Variants in CEP350 observed in about 807,000 individuals in gnomAD.
CEP350 encodes the protein centrosome-associated protein 350.
In CEP350, 126 loss-of-function variants were observed where a neutral mutation model predicts 331.8. The ratio of observed to expected loss-of-function variants is 0.38; its 90% CI spans 0.33 to 0.44. The LOEUF is 0.44. Among genes scored for constraint, CEP350 ranks in the 20% least tolerant of loss-of-function variants. The probability of loss-of-function intolerance (pLI) is 1.00; values close to 1 mark genes in which losing one functional copy is unlikely to be tolerated. For missense variants in CEP350, 3,406 were observed against 3,634.6 expected (o/e 0.94, Z 1.62); for synonymous variants, 1,200 against 1,259.5 (o/e 0.95, Z 1.00).
rs184534970 is a variant in CEP350 at position 179,958,028 on chromosome 1, A to G, written c.-14+2886A>G. On this transcript the variant is annotated intron_variant, in intron 1 of 37. Transcript: ENST00000367607. ...ATATCTCATGCATAGTTGATTTCAT[A>G]ACTGGGAGAAGAATCCATTGCACAG... Among the ~76,000 whole-genome samples, 21 of 152,220 alleles carry G rather than the reference A, an allele frequency of 1.4e-4. No homozygotes were observed. In the East Asian group the frequency reaches 2.1e-3, roughly 15 times the overall value.
chr1:180,033,452 ATATTT>A (rs1476528865), intron 15 of CEP350, among the ~76,000 whole-genome samples: 2 of 152,164 alleles, frequency 1.3e-5, no homozygotes, highest in Non-Finnish European at 2.9e-5. Flanking sequence ...TTAACATAAA[ATATTT>A]TATTCGCTTT....
intron 25 of CEP350, among the ~76,000 whole-genome samples, chr1:180,055,819 A>G (rs1657800285): frequency 6.6e-6 from 1 of 152,128 alleles, no homozygotes; most frequent in Non-Finnish European, 1.5e-5. Flanking sequence ...TGCTGGGATT[A>G]CAGGCATGAG....
At position 179,986,203 on chromosome 1, in the gene CEP350, G is replaced by T. The variant is rs954494046; in HGVS notation, c.22G>T (p.Glu8Ter). The change falls in exon 2 of 38, where the codon GAG becomes TAG. Residue 8 changes from glutamate (E) to a stop codon, truncating the protein, a stop_gained. Coordinates refer to ENST00000367607, the MANE Select transcript of CEP350 (RefSeq NM_014810.5). LOFTEE classifies it high-confidence loss of function. MRSSKSK[E>*]VPLPNPRNSQ... ...CAGGATGAGGAGCAGCAAATCAAAA[G>T]AGGTGCCTTTACCAAATCCAAGGAA... 4 of 1,551,558 alleles carry T rather than the reference G, an allele frequency of 2.6e-6. No homozygotes were observed. The highest frequency in any genetic ancestry group is 3.5e-6 in the Non-Finnish European group (4 of 1,146,964).
chr1:180,113,020 A>T lies in CEP350; in HGVS notation c.*1859A>T, dbSNP rs1661533330. 6.6e-6 allele frequency: 1 copy of T among 152,640 alleles called. No homozygotes were observed. The highest frequency in any genetic ancestry group is 2.4e-5 in the African/African-American group (1 of 41,448). 9.5% of individuals were successfully genotyped at this position (152,640 alleles called of 1,614,324 possible). A position where few individuals can be genotyped will look rare whatever the true frequency, so the allele number is the denominator to read the frequency against. On this transcript the variant is annotated 3_prime_UTR_variant, in exon 38 of 38. Transcript: ENST00000367607. The stretch of plus-strand genomic sequence containing the variant: ...CATTTCTTCTGGGCTTGTGATGTTG[A>T]GCTGTAGTCTTGTAGCCATAATGAG...
intron 6 of CEP350, among the ~76,000 whole-genome samples, chr1:179,999,150 C>T (rs541518380): frequency 3.9e-5 from 6 of 152,086 alleles, no homozygotes; most frequent in African/African-American, 1.4e-4. Flanking sequence ...AAGTTTTGTT[C>T]TTTGTACAAG....
At chr1:180,107,592 C>T (rs1185321713) in intron 37 of CEP350, among the ~76,000 whole-genome samples, 1 of 152,114 alleles carries the variant, frequency 6.6e-6, no homozygotes, top group Non-Finnish European at 1.5e-5. Context: ...CACTTGAACC[C>T]GGGAGGTGGA....
intron 25 of CEP350, among the ~76,000 whole-genome samples, chr1:180,058,677 G>T (rs1658009085): frequency 6.6e-6 from 1 of 152,156 alleles, no homozygotes. Flanking sequence ...GCCAGTCGTA[G>T]GGATATGAGT....
chr1:180,089,082 G>C (rs1158959784), intron 32 of CEP350, among the ~76,000 whole-genome samples: 2 of 152,050 alleles, frequency 1.3e-5, no homozygotes, highest in African/African-American at 4.8e-5. Context: ...GAATGGGTTT[G>C]TAATTTTCTT....
At chr1:179,995,911 G>A (rs983429599) in intron 5 of CEP350, among the ~76,000 whole-genome samples, 9 of 152,014 alleles carry the variant, frequency 5.9e-5, no homozygotes, top group Non-Finnish European at 1.2e-4. Context: ...TATTAATTTG[G>A]TTCCTTATTT....
Position 179,955,060 on chromosome 1 carries a change from C to G in CEP350, c.-96C>G. Reference sequence around the variant, plus strand: ...GAGGCCAGGCCGGGCAGCCCTGGGGCCGGTCGGGGCGGCGTCACTGCACCC... The same window carrying G: ...GAGGCCAGGCCGGGCAGCCCTGGGGGCGGTCGGGGCGGCGTCACTGCACCC... On this transcript the variant is annotated 5_prime_UTR_variant, in exon 1 of 38. Transcript: ENST00000367607. 1 of 1,410,846 alleles carries G rather than the reference C, an allele frequency of 7.1e-7. No individual in the cohort carries two copies. The highest frequency in any genetic ancestry group is 9.2e-7 in the Non-Finnish European group (1 of 1,084,202). The allele number at this position is 1,410,846 out of a possible 1,614,324, so 87.4% of individuals were successfully genotyped here. A position where few individuals can be genotyped will look rare whatever the true frequency, so the allele number is the denominator to read the frequency against.
At chr1:180,022,100 A>G (rs1056800981) in intron 12 of CEP350, among the ~76,000 whole-genome samples, 2 of 152,130 alleles carry the variant, frequency 1.3e-5, no homozygotes, top group Admixed American at 1.3e-4. Context: ...CCTAGAATTC[A>G]TATTTAGGTA....
chr1:180,005,149 T>C (rs1387460214), intron 7 of CEP350, among the ~76,000 whole-genome samples: 1 of 151,816 alleles, frequency 6.6e-6, no homozygotes, highest in Non-Finnish European at 1.5e-5. Context: ...ATGTTCCCTG[T>C]TGCTAGTGAT....
chr1:180,086,005 A>C (rs970952368), intron 31 of CEP350: 6 of 152,238 alleles, frequency 3.9e-5, no homozygotes. Flanking sequence ...AAGGATACAG[A>C]GCTCATAAAT....
chr1:180,109,518 C>T (rs1661362837), intron 37 of CEP350, among the ~76,000 whole-genome samples: 1 of 152,276 alleles, frequency 6.6e-6, no homozygotes, highest in East Asian at 1.9e-4. Flanking sequence ...GTTAGAGACC[C>T]CTGTCACTGC....
At chr1:180,051,345 C>G (rs1368434593) in intron 22 of CEP350, among the ~76,000 whole-genome samples, 1 of 152,102 alleles carries the variant, frequency 6.6e-6, no homozygotes, top group Admixed American at 6.5e-5. Flanking sequence ...AAAAAGCAGG[C>G]CCCAAAAGTC....
chr1:180,085,798 C>G (rs918580672), intron 31 of CEP350: 1 of 152,162 alleles, frequency 6.6e-6, no homozygotes, highest in African/African-American at 2.4e-5. Flanking sequence ...CCCATTGGTC[C>G]TTGTTGTGTA....
intron 37 of CEP350, among the ~76,000 whole-genome samples, chr1:180,105,446 C>G (rs1421246007): frequency 1.3e-5 from 2 of 152,146 alleles, no homozygotes; most frequent in African/African-American, 4.8e-5. Context: ...TTTGCCTACT[C>G]AGTATCTCCA....
chr1:180,084,011 C>T lies in CEP350; in HGVS notation c.6125-7C>T, dbSNP rs753225961. Reference sequence around the variant, plus strand: ...ATTATAAATAAAAGATTTTGTATCTCTTTCAGAAACTACATCTGACCAGAG... The same window carrying T: ...ATTATAAATAAAAGATTTTGTATCTTTTTCAGAAACTACATCTGACCAGAG... On this transcript the variant is annotated splice_polypyrimidine_tract_variant and splice_region_variant and intron_variant, in intron 30 of 37. Coordinates refer to ENST00000367607, the MANE Select transcript of CEP350 (RefSeq NM_014810.5). 25 of 1,450,666 alleles carry T rather than the reference C, an allele frequency of 1.7e-5. No individual in the cohort carries two copies. In the South Asian group the frequency reaches 3.6e-4, roughly 21 times the overall value. 89.9% of individuals were successfully genotyped at this position (1,450,666 alleles called of 1,614,324 possible).
chr1:180,063,742 G>A (rs1658383035), intron 26 of CEP350, among the ~76,000 whole-genome samples: 1 of 152,072 alleles, frequency 6.6e-6, no homozygotes, highest in Non-Finnish European at 1.5e-5. Flanking sequence ...CAGCCTAGCA[G>A]GCCAAAGCTG....
Sources: gnomAD v4.1 joint callset for allele counts (sites outside exome capture counted in the v4.1 genomes callset) on GRCh38, gnomAD v4.1.1 for gene constraint, MANE v1.5 for transcripts, NCBI Gene and HGNC (gene_info 2026-07-23, HGNC 2026-07-21) for gene names.